Variants in IL1RAPL1 observed in about 807,000 individuals in gnomAD.
The protein encoded by IL1RAPL1 is interleukin 1 receptor accessory protein like 1, also known as interleukin-1 receptor accessory protein-like 1.
A neutral mutation model predicts 48.4 loss-of-function variants in IL1RAPL1; 3 were observed. That is an observed-to-expected ratio of 0.06 (90% confidence interval 0.03 to 0.16). The LOEUF (loss-of-function observed/expected upper bound fraction) is 0.16, where lower values mean the gene tolerates loss of function less well. Among genes scored for constraint, IL1RAPL1 ranks in the 10% least tolerant of loss-of-function variants. The probability of loss-of-function intolerance (pLI) is 1.00; values close to 1 mark genes in which losing one functional copy is unlikely to be tolerated. For missense variants in IL1RAPL1, 349 were observed against 530.6 expected, an observed-to-expected ratio of 0.66 and a Z score of 3.36; for synonymous variants, 185 against 187.7, an observed-to-expected ratio of 0.99 and a Z score of 0.12.
At chrX:28,753,919 G>GGA (rs761095391) in intron 1 of IL1RAPL1, among the ~76,000 whole-genome samples, 7,053 of 104,341 alleles carry the variant, frequency 0.068, 495 homozygotes, top group East Asian at 0.3. Context: ...AAGGAGGGAG[G>GGA]GAGAGAGAGA....
At chrX:29,480,268 A>T in intron 5 of IL1RAPL1, among the ~76,000 whole-genome samples, 1 of 92,793 alleles carries the variant, frequency 1.1e-5, no homozygotes, top group Admixed American at 1.2e-4. Flanking sequence ...TTGAAGCATG[A>T]TATATGTATA....
At chrX:29,918,144 AATATATATATATATAT>A (rs748970921) in intron 7 of IL1RAPL1, among the ~76,000 whole-genome samples, 4 of 23,769 alleles carry the variant, frequency 1.7e-4, no homozygotes, top group African/African-American at 9.6e-4. Flanking sequence ...AAAAAAAAAA[AATATATATATATATAT>A]ATATATATAT....
At position 29,427,916 on chromosome X, in the gene IL1RAPL1, G is replaced by A. The variant is rs186322419; in HGVS notation, c.703+28608G>A. Reference sequence around the variant, plus strand: ...AGGTGGTTTCAGTCTGAACAAGGAGGGGAAGGGACTGTTATCATCCTTGCT... The same window carrying A: ...AGGTGGTTTCAGTCTGAACAAGGAGAGGAAGGGACTGTTATCATCCTTGCT... On this transcript the variant is annotated intron_variant, in intron 5 of 10. Transcript: ENST00000378993. 5.0e-3 allele frequency among the ~76,000 whole-genome samples: 563 copies of A among 111,559 alleles called. 3 individuals carry two copies. The highest frequency in any genetic ancestry group is 7.6e-3 in the Non-Finnish European group (401 of 53,085).
intron 5 of IL1RAPL1, among the ~76,000 whole-genome samples, chrX:29,543,151 G>A (rs1396150363): frequency 6.9e-5 from 5 of 72,236 alleles, no homozygotes; most frequent in African/African-American, 2.4e-4. Flanking sequence ...CTCTCTCTCA[G>A]CATTTACTGA....
intron 2 of IL1RAPL1, among the ~76,000 whole-genome samples, chrX:28,963,367 T>C (rs963338770): frequency 4.5e-5 from 5 of 111,503 alleles, no homozygotes; most frequent in African/African-American, 1.6e-4. Context: ...ATCTCTATTT[T>C]ACATTATATA....
At chrX:29,811,370 C>T (rs765371335) in intron 6 of IL1RAPL1, among the ~76,000 whole-genome samples, 1 of 109,990 alleles carries the variant, frequency 9.1e-6, no homozygotes, top group Non-Finnish European at 1.9e-5. Context: ...GTTCAATGTT[C>T]GAGGGCAGGA....
chrX:28,781,324 T>A (rs1449270331), intron 1 of IL1RAPL1, among the ~76,000 whole-genome samples: 1 of 108,552 alleles, frequency 9.2e-6, no homozygotes, highest in African/African-American at 3.3e-5. Flanking sequence ...TTTTATTTTT[T>A]TTTGTGGTTT....
chrX:29,398,513 A>G (rs374798990), intron 4 of IL1RAPL1, among the ~76,000 whole-genome samples: 2 of 112,232 alleles, frequency 1.8e-5, no homozygotes, highest in East Asian at 5.6e-4. Flanking sequence ...GTCTATTAAC[A>G]ATGAAAACAG....
chrX:29,143,336 A>T (rs1277536437), intron 2 of IL1RAPL1, among the ~76,000 whole-genome samples: 1 of 112,139 alleles, frequency 8.9e-6, no homozygotes, highest in Non-Finnish European at 1.9e-5. Flanking sequence ...ATCCATACAA[A>T]GTGTTGAGGA....
intron 5 of IL1RAPL1, among the ~76,000 whole-genome samples, chrX:29,628,034 T>C (rs1342811515): frequency 2.7e-5 from 3 of 112,406 alleles, no homozygotes; most frequent in Non-Finnish European, 5.6e-5. Flanking sequence ...TGCTTATCTG[T>C]TATCTTTACA....
Position 28,979,259 on chromosome X carries a change from A to T in IL1RAPL1, c.82+189834A>T, listed in dbSNP as rs1224578087. 3.6e-5 allele frequency among the ~76,000 whole-genome samples: 4 copies of T among 112,198 alleles called. No homozygotes were observed. The East Asian group carries it at 1.1e-3, about 31-fold the overall frequency. ...AGGGAATGATACCACCCATACTTAG[A>T]TAGCTCCTCATTTTCCTACTTTCAC... On this transcript the variant is annotated intron_variant, in intron 2 of 10. Transcript: ENST00000378993.
chrX:29,954,574 G>A lies in IL1RAPL1; in HGVS notation c.1254G>A (p.Gln418=), dbSNP rs1399922335. 1 of 1,206,725 alleles carries A rather than the reference G, an allele frequency of 8.3e-7. No homozygotes were observed. The highest frequency in any genetic ancestry group is 1.8e-5 in the South Asian group (1 of 56,908). Residue 418 remains glutamine (Q), a synonymous_variant, in exon 10 of 11, where the codon CAG becomes CAA. Coordinates refer to ENST00000378993, the MANE Select transcript of IL1RAPL1 (RefSeq NM_014271.4). ...YLSYTKVDPD[Q]WNQETGEEER... ...CATACACCAAAGTGGATCCTGACCA[G>A]TGGAATCAAGAGACTGGGGAAGAAG...
At chrX:29,294,356 G>A (rs1157147504) in intron 3 of IL1RAPL1, among the ~76,000 whole-genome samples, 3 of 108,694 alleles carry the variant, frequency 2.8e-5, no homozygotes, top group African/African-American at 6.7e-5. Context: ...GTGAAACCCC[G>A]TTTCTACTAG....
At chrX:29,332,637 TTTATTTATTTATTTTA>T (rs1165761896) in intron 3 of IL1RAPL1, among the ~76,000 whole-genome samples, 12 of 99,014 alleles carry the variant, frequency 1.2e-4, no homozygotes, top group African/African-American at 4.8e-4. Context: ...TATTTATTTA[TTTATTTATTTATTTTA>T]TTTTTTTTTT....
intron 2 of IL1RAPL1, among the ~76,000 whole-genome samples, chrX:28,869,948 A>G (rs748196738): frequency 8.9e-6 from 1 of 111,869 alleles, no homozygotes; most frequent in East Asian, 2.8e-4. Flanking sequence ...TTTCATATGA[A>G]TGAAATCATA....
chrX:29,479,431 A>AAAAAAAAAAAAAAAAAAAAT (rs1384814024), intron 5 of IL1RAPL1, among the ~76,000 whole-genome samples: 6 of 105,870 alleles, frequency 5.7e-5, no homozygotes, highest in African/African-American at 2.1e-4. Context: ...AAAAAAAAAA[A>AAAAAAAAAAAAAAAAAAAAT]TTAGCATTGT....
At chrX:29,482,875 A>G (rs754450056) in intron 5 of IL1RAPL1, among the ~76,000 whole-genome samples, 2 of 112,154 alleles carry the variant, frequency 1.8e-5, no homozygotes, top group South Asian at 7.4e-4. Flanking sequence ...CGATTCTGAT[A>G]AGACTAAGAT....
At chrX:29,045,657 C>G (rs993890564) in intron 2 of IL1RAPL1, among the ~76,000 whole-genome samples, 1 of 111,024 alleles carries the variant, frequency 9.0e-6, no homozygotes, top group African/African-American at 3.3e-5. Flanking sequence ...TTTGTAAAGA[C>G]TGGGTCACCT....
At chrX:29,329,950 C>T (rs1478535598) in intron 3 of IL1RAPL1, among the ~76,000 whole-genome samples, 1 of 110,939 alleles carries the variant, frequency 9.0e-6, no homozygotes, top group Non-Finnish European at 1.9e-5. Flanking sequence ...TCAGAACAAG[C>T]AACTCTATAT....
Sources: allele counts gnomAD v4.1 joint callset (sites outside exome capture counted in the v4.1 genomes callset), GRCh38; gene constraint gnomAD v4.1.1; transcripts MANE v1.5; gene names NCBI Gene and HGNC (gene_info 2026-07-23, HGNC 2026-07-21).